C2orf81: variants seen among roughly 807,000 people sequenced by gnomAD.
The protein encoded by C2orf81 is uncharacterized protein C2orf81.
In C2orf81, 5 loss-of-function variants were observed where a neutral mutation model predicts 7.9. The ratio of observed to expected loss-of-function variants is 0.63; its 90% CI spans 0.33 to 1.33. C2orf81 has a LOEUF of 1.33. Ranked by LOEUF, C2orf81 falls within the 40% of genes most tolerant of loss-of-function variation. The pLI is 0.05. For synonymous variants in C2orf81, 346 were observed against 367.4 expected, an observed-to-expected ratio of 0.94 and a Z score of 0.66; for missense variants, 781 against 830.4, an observed-to-expected ratio of 0.94 and a Z score of 0.73.
At position 74,415,580 on chromosome 2, in the gene C2orf81, C is replaced by A; in HGVS notation, c.597G>T (p.Ser199=). The A allele has an allele frequency of 6.4e-7, 1 of 1,551,364 alleles. No individual in the cohort carries two copies. Among genetic ancestry groups the A allele is most frequent in the Middle Eastern group, 1.7e-4 (1 of 5,992 alleles). Residue 199 remains serine, a synonymous_variant, in exon 3 of 3, where the codon TCG becomes TCT. Transcript: ENST00000684111. This position sits in a 1 kb window ranked among gnomAD's most constrained non-coding sequence, Gnocchi z 5.5. ...GGVDRIPLGR[S]WMGRGSQEQM... The stretch of plus-strand genomic sequence containing the variant: ...GCTCCTGGGAGCCTCGACCCATCCA[C>A]GACCTTCCTAAAGGGATCCGGTCCA...
At chr2:74,418,446 C>T (rs1676524775) in intron 1 of C2orf81, 3 of 1,533,626 alleles carry the variant, frequency 2.0e-6, no homozygotes, top group Admixed American at 1.7e-5. Flanking sequence ...CGCTCATCTT[C>T]CCTTCTCTAA....
In C2orf81 at chr2:74,414,231, T is replaced by C. The variant is rs1676373109; in HGVS notation, c.*98A>G. 8.0e-7 allele frequency: 1 copy of C among 1,244,258 alleles called. No homozygotes were observed. The highest frequency in any genetic ancestry group is 2.2e-5 in the South Asian group (1 of 44,814). 77.1% of individuals were successfully genotyped at this position (1,244,258 alleles called of 1,614,324 possible). On this transcript the variant is annotated 3_prime_UTR_variant, in exon 3 of 3. Transcript: ENST00000684111. The surrounding 1 kb of genome is among the most constrained non-coding windows in gnomAD (Gnocchi z 5.3). ...TCTGGCTAGCAGAGGGAGGGACCAGTTACTACTGCCAGAGGCTCAGGGATC... is the reference window on the plus strand; with the variant it reads ...TCTGGCTAGCAGAGGGAGGGACCAGCTACTACTGCCAGAGGCTCAGGGATC...
rs923879001 is a variant in C2orf81, at chr2:74,416,209, C to A, written c.51G>T (p.Val17=). ...GCACTTTTTCCGCCTTGGACCGGGTCACCCCGCGGTCTCGGACCTGCCTCT... is the reference window on the plus strand; with the variant it reads ...GCACTTTTTCCGCCTTGGACCGGGTAACCCCGCGGTCTCGGACCTGCCTCT... ...RQERQVRDRG[V]TRSKAEKVRP... Residue 17 remains valine (V), a synonymous_variant, in exon 2 of 3, where the codon GTG becomes GTT. Transcript: ENST00000684111. The A allele has an allele frequency of 1.4e-5, 20 of 1,415,308 alleles. No homozygotes were observed. The African/African-American group carries it at 2.6e-4, about 18-fold the overall frequency. 87.7% of individuals were successfully genotyped at this position (1,415,308 alleles called of 1,614,324 possible).
intron 1 of C2orf81, chr2:74,418,561 C>A: frequency 1.4e-6 from 1 of 710,720 alleles, no homozygotes; most frequent in East Asian, 2.7e-5. Flanking sequence ...TGAGGACAGG[C>A]CAGTCTCCAC....
Position 74,415,801 on chromosome 2 carries a change from G to A in C2orf81, c.376C>T (p.Pro126Ser). ...CAGGAGTCCGTCGTGCATGCCGAAG[G>A]CTCCTCGTCCTCACCCCATGTGGGG... ...EDPTWGEDEE[P>S]SACTTDSWAQ... The change falls in exon 3 of 3, where the codon CCT (proline) becomes TCT (serine). Residue 126 changes from proline to serine, a missense_variant. Coordinates refer to ENST00000684111, the MANE Select transcript of C2orf81 (RefSeq NM_001316764.3). The surrounding 1 kb of genome is among the most constrained non-coding windows in gnomAD (Gnocchi z 5.5). The A allele has an allele frequency of 6.4e-7, 1 of 1,551,622 alleles. No individual in the cohort carries two copies. Among genetic ancestry groups the A allele is most frequent in the Non-Finnish European group, 8.7e-7 (1 of 1,147,014 alleles).
chr2:74,416,784 T>C (rs1403535605), intron 1 of C2orf81, among the ~76,000 whole-genome samples: 1 of 152,186 alleles, frequency 6.6e-6, no homozygotes, highest in Non-Finnish European at 1.5e-5. Context: ...CCTGGAATTA[T>C]TGGTGCTATT....
chr2:74,421,311 C>T (rs1676607196), intron 1 of C2orf81, among the ~76,000 whole-genome samples: 1 of 152,242 alleles, frequency 6.6e-6, no homozygotes, highest in Admixed American at 6.5e-5. Context: ...CTACACCACC[C>T]ACTGACCCTT....
chr2:74,415,805 C>T lies in C2orf81; in HGVS notation c.372G>A (p.Glu124=), dbSNP rs993749128. The change falls in exon 3 of 3, where the codon GAG becomes GAA. Residue 124 remains glutamate (E), a synonymous_variant. Transcript: ENST00000684111. The surrounding 1 kb of genome is among the most constrained non-coding windows in gnomAD (Gnocchi z 5.5). The part of the protein sequence containing the change: ...VAEDPTWGED[E]EPSACTTDSW... ...AGTCCGTCGTGCATGCCGAAGGCTC[C>T]TCGTCCTCACCCCATGTGGGGTCCT... 1 of 1,551,656 alleles carries T rather than the reference C, an allele frequency of 6.4e-7. No homozygotes were observed.
Position 74,416,066 on chromosome 2 carries a change from G to T in C2orf81, c.194C>A (p.Ala65Asp). ...GTCCATGACTCGAGCCAGCAAGTCG[G>T]CCAAGATGTCCCCTACGACGTCCTC... ...EGEDVVGDIL[A>D]DLLARVMDSA... The change falls in exon 2 of 3, where the codon GCC (alanine) becomes GAC (aspartate). Residue 65 changes from alanine to aspartate, a missense_variant. Physicochemically the swap from Ala to Asp is moderately radical, Grantham distance 126. Coordinates refer to ENST00000684111, the MANE Select transcript of C2orf81 (RefSeq NM_001316764.3). The T allele has an allele frequency of 6.5e-7, 1 of 1,549,164 alleles. No individual in the cohort carries two copies. Among genetic ancestry groups the T allele is most frequent in the South Asian group, 1.2e-5 (1 of 83,208 alleles).
chr2:74,415,043 A>C lies in C2orf81; in HGVS notation c.1134T>G (p.Pro378=). 1.3e-6 allele frequency: 2 copies of C among 1,548,636 alleles called. No homozygotes were observed. Among genetic ancestry groups the C allele is most frequent in the Non-Finnish European group, 1.7e-6 (2 of 1,145,958 alleles). ...RRKAAVKRLD[P]ARLPCHWVRP... ...GCACCCAGTGGCACGGGAGCCTCGC[A>C]GGGTCCAGGCGTTTCACGGCCGCCT... Residue 378 remains proline (P), a synonymous_variant, in exon 3 of 3, where the codon CCT becomes CCG. Coordinates refer to ENST00000684111, the MANE Select transcript of C2orf81 (RefSeq NM_001316764.3). The surrounding 1 kb of genome is among the most constrained non-coding windows in gnomAD (Gnocchi z 5.5).
chr2:74,415,311 C>A lies in C2orf81; in HGVS notation c.866G>T (p.Gly289Val). Residue 289 changes from glycine to valine, a missense_variant, in exon 3 of 3, where the codon GGG (glycine) becomes GTG (valine). By Grantham distance (109) the Gly-to-Val change is moderately radical. Transcript: ENST00000684111. The surrounding 1 kb of genome is among the most constrained non-coding windows in gnomAD (Gnocchi z 5.5). ...ATGGAAGCCGAGGGGGTGTCCCCTCCCAGTTGAGGCCTGGGGGCTGGCTAC... is the reference window on the plus strand; with the variant it reads ...ATGGAAGCCGAGGGGGTGTCCCCTCACAGTTGAGGCCTGGGGGCTGGCTAC... The part of the protein sequence containing the change: ...YLVASPQAST[G>V]RGHPLGFHLS... 3.9e-6 allele frequency: 6 copies of A among 1,548,466 alleles called. No individual in the cohort carries two copies. Among genetic ancestry groups the A allele is most frequent in the Non-Finnish European group, 5.2e-6 (6 of 1,145,212 alleles).
chr2:74,417,485 C>T, intron 1 of C2orf81: 1 of 1,270,984 alleles, frequency 7.9e-7, no homozygotes, highest in South Asian at 1.3e-5. Flanking sequence ...AGGGGACTCA[C>T]ACCCCTCCCG....
rs762977392 is a variant in C2orf81, at chr2:74,415,327, G to T, written c.850C>A (p.Pro284Thr). 1.3e-6 allele frequency: 2 copies of T among 1,543,398 alleles called. No individual in the cohort carries two copies. Among genetic ancestry groups the T allele is most frequent in the South Asian group, 2.4e-5 (2 of 83,344 alleles). Residue 284 changes from proline to threonine, a missense_variant, in exon 3 of 3, where the codon CCC (proline) becomes ACC (threonine). Transcript: ENST00000684111. This position sits in a 1 kb window ranked among gnomAD's most constrained non-coding sequence, Gnocchi z 5.5. ...PSLDPYLVAS[P>T]QASTGRGHPL... Reference sequence around the variant, plus strand: ...TGTCCCCTCCCAGTTGAGGCCTGGGGGCTGGCTACCAGGTACGGATCCAGA... The same window carrying T: ...TGTCCCCTCCCAGTTGAGGCCTGGGTGCTGGCTACCAGGTACGGATCCAGA...
chr2:74,414,482 T>G lies in C2orf81; in HGVS notation c.1695A>C (p.Glu565Asp). 1 of 1,550,874 alleles carries G rather than the reference T, an allele frequency of 6.4e-7. No individual in the cohort carries two copies. The highest frequency in any genetic ancestry group is 8.7e-7 in the Non-Finnish European group (1 of 1,146,444). Reference sequence around the variant, plus strand: ...TCACACCAGGGGCCAGCTTCAGGGCTTCTGGCAGCAACACGGGCTTCCACA... The same window carrying G: ...TCACACCAGGGGCCAGCTTCAGGGCGTCTGGCAGCAACACGGGCTTCCACA... ...QVMWKPVLLP[E>D]ALKLAPGVSM... The change falls in exon 3 of 3, where the codon GAA (glutamate) becomes GAC (aspartate). Residue 565 changes from glutamate (E) to aspartate (D), a missense_variant. By Grantham distance (45) the Glu-to-Asp change is conservative (BLOSUM62 2). Coordinates refer to ENST00000684111, the MANE Select transcript of C2orf81 (RefSeq NM_001316764.3). This position sits in a 1 kb window ranked among gnomAD's most constrained non-coding sequence, Gnocchi z 5.3.
chr2:74,418,623 G>A (rs1052861674), intron 1 of C2orf81: 65 of 593,676 alleles, frequency 1.1e-4, no homozygotes, highest in Admixed American at 1.1e-4. Flanking sequence ...CCGCGCCAGC[G>A]CCAGAAATAG....
At chr2:74,417,773 C>T in intron 1 of C2orf81, 1 of 515,358 alleles carries the variant, frequency 1.9e-6, no homozygotes, top group Non-Finnish European at 3.4e-6. Flanking sequence ...GAAGTGGCTC[C>T]CAAACCAAAA....
rs1676455475 is a variant in C2orf81 at position 74,415,980 on chromosome 2, A to G, written c.249+31T>C. ...CGGCAGGGAGGGGCGGGAGAGGGAGACGAGTCTGAAGGACCCGGATCCCGG... is the reference window on the plus strand; with the variant it reads ...CGGCAGGGAGGGGCGGGAGAGGGAGGCGAGTCTGAAGGACCCGGATCCCGG... On this transcript the variant is annotated intron_variant, in intron 2 of 2. Coordinates refer to ENST00000684111, the MANE Select transcript of C2orf81 (RefSeq NM_001316764.3). The surrounding 1 kb of genome is among the most constrained non-coding windows in gnomAD (Gnocchi z 5.5). 1.3e-6 allele frequency: 2 copies of G among 1,548,042 alleles called. No individual in the cohort carries two copies. The highest frequency in any genetic ancestry group is 2.4e-5 in the East Asian group (1 of 40,828).
At position 74,415,857 on chromosome 2, in the gene C2orf81, CG is replaced by C; in HGVS notation, c.319del (p.Arg107GlyfsTer8). 1 of 1,551,510 alleles carries C rather than the reference CG, an allele frequency of 6.4e-7. No homozygotes were observed. The highest frequency in any genetic ancestry group is 8.7e-7 in the Non-Finnish European group (1 of 1,146,928). ...AGCTACTGCAGATTCTCCCTCGTCC[CG>C]GGCCAGGAAGCGCCACTCGGTGATC... ...LQITEWRFLA[R>X]DEGESAVAED... On this transcript the variant is annotated frameshift_variant, in exon 3 of 3. Coordinates refer to ENST00000684111, the MANE Select transcript of C2orf81 (RefSeq NM_001316764.3). LOFTEE classifies it low-confidence loss of function (END_TRUNC). This position sits in a 1 kb window ranked among gnomAD's most constrained non-coding sequence, Gnocchi z 5.5.
chr2:74,415,085 G>C lies in C2orf81; in HGVS notation c.1092C>G (p.His364Gln), dbSNP rs916115943. 10 of 1,547,746 alleles carry C rather than the reference G, an allele frequency of 6.5e-6. No individual in the cohort carries two copies. The African/African-American group carries it at 1.4e-4, about 21-fold the overall frequency. ...GHSDVRLSAHHHRMRRKAAVK... is the reference protein window; with the variant it reads ...GHSDVRLSAHQHRMRRKAAVK... ...CGGCCGCCTTGCGGCGCATCCTGTGGTGGTGGGCGCTCAGCCGCACATCCG... is the reference window on the plus strand; with the variant it reads ...CGGCCGCCTTGCGGCGCATCCTGTGCTGGTGGGCGCTCAGCCGCACATCCG... The change falls in exon 3 of 3, where the codon CAC (histidine) becomes CAG (glutamine). Residue 364 changes from histidine (H) to glutamine (Q), a missense_variant. By Grantham distance (24) the His-to-Gln change is conservative. Transcript: ENST00000684111. This position sits in a 1 kb window ranked among gnomAD's most constrained non-coding sequence, Gnocchi z 5.5.
Sources: gnomAD v4.1 joint callset for allele counts (sites outside exome capture counted in the v4.1 genomes callset) on GRCh38, gnomAD v4.1.1 for gene constraint, Gnocchi (gnomAD v3.1) non-coding constraint, MANE v1.5 for transcripts, NCBI Gene and HGNC (gene_info 2026-07-23, HGNC 2026-07-21) for gene names.